RBFOX1: variants seen among roughly 807,000 people sequenced by gnomAD.
RBFOX1 encodes RNA binding protein fox-1 homolog 1.
A neutral mutation model predicts 57.7 loss-of-function variants in RBFOX1; 8 were observed. That is an observed-to-expected ratio of 0.14 (90% CI 0.08 to 0.25). RBFOX1 has a LOEUF of 0.25. Among genes scored for constraint, RBFOX1 ranks in the 10% least tolerant of loss-of-function variants. The pLI is 1.00. For missense variants in RBFOX1, 611 were observed against 548.5 expected, an observed-to-expected ratio of 1.11 and a Z score of -1.14; for synonymous variants, 326 against 222.4, an observed-to-expected ratio of 1.47 and a Z score of -4.15.
intron 3 of RBFOX1, among the ~76,000 whole-genome samples, chr16:5,755,715 C>T (rs1350602105): frequency 2.6e-5 from 4 of 152,196 alleles, no homozygotes; most frequent in Admixed American, 1.3e-4. Context: ...TCTCCTGACT[C>T]GGCCTCCGAA....
chr16:7,432,358 T>C (rs1164032861), intron 4 of RBFOX1, among the ~76,000 whole-genome samples: 2 of 152,196 alleles, frequency 1.3e-5, no homozygotes, highest in Non-Finnish European at 2.9e-5. Context: ...CACTCATCTT[T>C]ACTCTTTGAA....
At chr16:6,501,760 C>T (rs2095938296) in intron 2 of RBFOX1, among the ~76,000 whole-genome samples, 1 of 152,054 alleles carries the variant, frequency 6.6e-6, no homozygotes, top group African/African-American at 2.4e-5. Flanking sequence ...ACTGCTTTTC[C>T]ATATTCTTTT....
chr16:5,561,105 A>G (rs1189647937), intron 2 of RBFOX1, among the ~76,000 whole-genome samples: 1 of 152,138 alleles, frequency 6.6e-6, no homozygotes, highest in Non-Finnish European at 1.5e-5. Flanking sequence ...TCCCAGTACA[A>G]CACTGTGACT....
intron 2 of RBFOX1, among the ~76,000 whole-genome samples, chr16:6,386,414 A>G (rs1596439055): frequency 6.6e-6 from 1 of 152,158 alleles, no homozygotes; most frequent in Non-Finnish European, 1.5e-5. Context: ...CTTGCTGTGT[A>G]TTGGCATGAG....
At chr16:5,494,140 C>G (rs1448232725) in intron 2 of RBFOX1, among the ~76,000 whole-genome samples, 1 of 152,086 alleles carries the variant, frequency 6.6e-6, no homozygotes, top group Non-Finnish European at 1.5e-5. Flanking sequence ...GGTATGAATC[C>G]CTGTCAGAGC....
intron 4 of RBFOX1, among the ~76,000 whole-genome samples, chr16:7,129,563 C>A (rs1439268865): frequency 6.6e-6 from 1 of 152,056 alleles, no homozygotes; most frequent in African/African-American, 2.4e-5. Context: ...TTTGCCCTAT[C>A]TCCTGGGGAA....
chr16:6,813,205 A>G lies in RBFOX1; in HGVS notation c.-16+158555A>G, dbSNP rs572317629. On this transcript the variant is annotated intron_variant, in intron 3 of 15. Coordinates refer to ENST00000550418, the MANE Select transcript of RBFOX1 (RefSeq NM_018723.4). ...TAACAAAATTGTGATTATAGCAAGG[A>G]TGATTGGCTAATTACTGAAATTTAC... 4.6e-5 allele frequency among the ~76,000 whole-genome samples: 7 copies of G among 152,208 alleles called. No homozygotes were observed. The East Asian group carries it at 1.2e-3, about 25-fold the overall frequency.
At chr16:7,410,515 C>G (rs1597732617) in intron 4 of RBFOX1, among the ~76,000 whole-genome samples, 1 of 152,134 alleles carries the variant, frequency 6.6e-6, no homozygotes, top group African/African-American at 2.4e-5. Context: ...AACCCGGTCT[C>G]TACTAAAAAT....
intron 2 of RBFOX1, among the ~76,000 whole-genome samples, chr16:6,466,229 CA>C (rs201275514): frequency 0.014 from 1,798 of 127,588 alleles, 57 homozygotes; most frequent in Admixed American, 0.09. Flanking sequence ...AACTCTATCT[CA>C]AAAAAAAAAA....
chr16:5,980,852 A>T (rs1051508977), intron 4 of RBFOX1, among the ~76,000 whole-genome samples: 47 of 152,178 alleles, frequency 3.1e-4, no homozygotes, highest in African/African-American at 1.1e-3. Flanking sequence ...TTGTCGGGCA[A>T]CGCTGTCGTC....
chr16:7,494,583 A>G (rs996074368), intron 4 of RBFOX1, among the ~76,000 whole-genome samples: 2 of 152,234 alleles, frequency 1.3e-5, no homozygotes, highest in African/African-American at 4.8e-5. Flanking sequence ...ATTTACTTTC[A>G]TGACCTAATT....
intron 14 of RBFOX1, among the ~76,000 whole-genome samples, chr16:7,706,818 G>C (rs968075912): frequency 6.6e-6 from 1 of 152,172 alleles, no homozygotes; most frequent in Admixed American, 6.5e-5. Flanking sequence ...CAAGGTTATA[G>C]TTTTCCTTTT....
At chr16:5,538,366 T>G (rs1019345456) in intron 2 of RBFOX1, among the ~76,000 whole-genome samples, 1 of 152,146 alleles carries the variant, frequency 6.6e-6, no homozygotes, top group Non-Finnish European at 1.5e-5. Flanking sequence ...AAATATTTAT[T>G]TGGGAATGTG....
intron 3 of RBFOX1, among the ~76,000 whole-genome samples, chr16:6,870,163 A>G (rs775247111): frequency 1.4e-4 from 22 of 152,134 alleles, no homozygotes; most frequent in African/African-American, 4.6e-4. Context: ...ATGGTGATGA[A>G]TGAGTTTAGG....
intron 3 of RBFOX1, among the ~76,000 whole-genome samples, chr16:6,714,989 A>T (rs528162760): frequency 6.6e-6 from 1 of 152,174 alleles, no homozygotes; most frequent in African/African-American, 2.4e-5. Context: ...GAAGATGGGT[A>T]AGGTGGTCAC....
In RBFOX1 at chr16:6,160,739, C is replaced by G. The variant is rs1236331868; in HGVS notation, c.-127+140747C>G. On this transcript the variant is annotated intron_variant, in intron 1 of 15. Transcript: ENST00000550418. ...ACCACTCCCATCTTGCCTCCTGCAA[C>G]TGCAGTCGTTCCTCTAGGAGCCATC... Among the ~76,000 whole-genome samples the G allele has an allele frequency of 4.6e-5, 7 of 152,188 alleles. No individual in the cohort carries two copies. The East Asian group carries it at 1.2e-3, about 25-fold the overall frequency.
intron 2 of RBFOX1, among the ~76,000 whole-genome samples, chr16:6,628,932 A>T (rs2098346433): frequency 6.6e-6 from 1 of 152,204 alleles, no homozygotes; most frequent in Non-Finnish European, 1.5e-5. Flanking sequence ...AGGGAGGCTG[A>T]GACAGGAGAA....
rs1567354925 is a variant in RBFOX1 at position 5,339,470 on chromosome 16, G to GGTTTTT, written c.219+99365_219+99366insGTTTTT. On this transcript the variant is annotated intron_variant, in intron 1 of 2. Transcript: ENST00000585867. ...AAAAGCTAGAAGCTGCTTTTTCCGT[G>GGTTTTT]TTTTTTTTTTTTTTTTTTTTTTTTT... Among the ~76,000 whole-genome samples, 338 of 40,932 alleles carry GGTTTTT rather than the reference G, an allele frequency of 8.3e-3. 9 individuals carry two copies. The highest frequency in any genetic ancestry group is 0.029 in the Admixed American group (62 of 2,144). 26.9% of individuals were successfully genotyped at this position (40,932 alleles called of 152,430 possible). A position where few individuals can be genotyped will look rare whatever the true frequency, so the allele number is the denominator to read the frequency against.
At chr16:6,064,174 A>C (rs770461781) in intron 1 of RBFOX1, among the ~76,000 whole-genome samples, 7 of 152,178 alleles carry the variant, frequency 4.6e-5, no homozygotes, top group Non-Finnish European at 8.8e-5. Flanking sequence ...GATATTATAG[A>C]GCCTATTCTT....
Sources: allele counts gnomAD v4.1 joint callset (sites outside exome capture counted in the v4.1 genomes callset), GRCh38; gene constraint gnomAD v4.1.1; transcripts MANE v1.5; gene names NCBI Gene and HGNC (gene_info 2026-07-23, HGNC 2026-07-21).